ZNF184: variants seen among roughly 807,000 people sequenced by gnomAD.
ZNF184 encodes the protein zinc finger protein 184 (Kruppel-like).
ZNF184 carries 16 observed loss-of-function variants against 54.4 expected under a neutral mutation model. The ratio of observed to expected loss-of-function variants is 0.29; its 90% CI spans 0.20 to 0.45. The LOEUF is 0.45. Among genes scored for constraint, ZNF184 ranks in the 20% least tolerant of loss-of-function variants. ZNF184 has a pLI of 1.00. For synonymous variants in ZNF184, 254 were observed against 295.3 expected (o/e 0.86, Z 1.43); for missense variants, 681 against 888.2 (o/e 0.77, Z 2.97).
At chr6:27,421,240 G>A in the ZNF184 span, among the ~76,000 whole-genome samples, 1 of 152,212 alleles carries the variant, frequency 6.6e-6, no homozygotes, top group Non-Finnish European at 1.5e-5. Flanking sequence ...TGGACTGTGA[G>A]TAGTAATATG....
chr6:27,431,370 C>T, the ZNF184 span, among the ~76,000 whole-genome samples: 21 of 152,314 alleles, frequency 1.4e-4, no homozygotes, highest in East Asian at 5.8e-4. Context: ...CATTCCCTCC[C>T]CTCACCACAT....
chr6:27,438,995 T>C, the ZNF184 span, among the ~76,000 whole-genome samples: 11 of 152,212 alleles, frequency 7.2e-5, no homozygotes, highest in Non-Finnish European at 1.5e-4. Flanking sequence ...TCAAAATTCA[T>C]AGCCAAAACT....
At position 27,459,387 on chromosome 6, in the gene ZNF184, GA is replaced by G. The variant is rs60873240; in HGVS notation, c.76-1979del. Among the ~76,000 whole-genome samples the G allele has an allele frequency of 9.4e-4, 136 of 144,930 alleles. 2 individuals carry two copies. In the East Asian group the frequency reaches 0.019, roughly 20 times the overall value. On this transcript the variant is annotated intron_variant, in intron 3 of 5. Coordinates refer to ENST00000683788, the MANE Select transcript of ZNF184 (RefSeq NM_001318891.2). The stretch of plus-strand genomic sequence containing the variant: ...ATTACATGTCAACTAAAAATTAAGG[GA>G]AAAAAAAAAGATCAACTACCCACAA...
the ZNF184 span, among the ~76,000 whole-genome samples, chr6:27,422,812 A>T: frequency 5.9e-5 from 9 of 152,200 alleles, no homozygotes; most frequent in Admixed American, 1.3e-4. Flanking sequence ...TTGTCAAACA[A>T]GGGCTCCAAA....
At chr6:27,416,921 C>G in the ZNF184 span, among the ~76,000 whole-genome samples, 1 of 152,108 alleles carries the variant, frequency 6.6e-6, no homozygotes, top group Non-Finnish European at 1.5e-5. Context: ...AACAAGATGA[C>G]ACAGATAGAA....
the ZNF184 span, among the ~76,000 whole-genome samples, chr6:27,438,441 T>A: frequency 6.6e-6 from 1 of 152,304 alleles, no homozygotes; most frequent in South Asian, 2.1e-4. Flanking sequence ...TAATTGGACA[T>A]GCCAGTGGAG....
the ZNF184 span, among the ~76,000 whole-genome samples, chr6:27,422,542 T>C: frequency 6.6e-6 from 1 of 152,160 alleles, no homozygotes; most frequent in Non-Finnish European, 1.5e-5. Context: ...ATGGAGGATT[T>C]TGCCGTTTTA....
At chr6:27,470,745 T>C (rs1581591647) in intron 2 of ZNF184, among the ~76,000 whole-genome samples, 1 of 152,126 alleles carries the variant, frequency 6.6e-6, no homozygotes, top group Admixed American at 6.5e-5. Flanking sequence ...GCTTGGCACA[T>C]AGTAAATGCT....
the ZNF184 span, among the ~76,000 whole-genome samples, chr6:27,407,186 G>A: frequency 7.2e-5 from 11 of 152,214 alleles, no homozygotes; most frequent in Non-Finnish European, 1.6e-4. Context: ...TGGGTCCCTG[G>A]GCAAATAGAT....
chr6:27,424,749 G>A, the ZNF184 span, among the ~76,000 whole-genome samples: 28 of 152,376 alleles, frequency 1.8e-4, 2 homozygotes, highest in South Asian at 2.9e-3. Context: ...AGATTCAGGA[G>A]CCCAGCTGGC....
chr6:27,437,982 T>A, the ZNF184 span, among the ~76,000 whole-genome samples: 2 of 152,206 alleles, frequency 1.3e-5, no homozygotes, highest in African/African-American at 4.8e-5. Flanking sequence ...ATGCCATGTA[T>A]CCCACACAAC....
At chr6:27,433,976 T>TTCCTTCCTTCCTCTCCCTC in the ZNF184 span, among the ~76,000 whole-genome samples, 4 of 136,148 alleles carry the variant, frequency 2.9e-5, no homozygotes, top group Non-Finnish European at 6.2e-5. Flanking sequence ...CTCCCTCCCT[T>TTCCTTCCTTCCTCTCCCTC]CCTTCCTTCC....
chr6:27,419,015 T>C, the ZNF184 span, among the ~76,000 whole-genome samples: 5 of 152,172 alleles, frequency 3.3e-5, no homozygotes, highest in African/African-American at 9.7e-5. The surrounding 1 kb of genome is among the most constrained non-coding windows in gnomAD (Gnocchi z 4.8). Context: ...ATCTGATATT[T>C]ATCTTGTTAA....
At chr6:27,422,217 A>AAAGAAAGAAAGAAAG in the ZNF184 span, among the ~76,000 whole-genome samples, 1 of 146,656 alleles carries the variant, frequency 6.8e-6, no homozygotes, top group Non-Finnish European at 1.5e-5. Context: ...AGAAAGAAAG[A>AAAGAAAGAAAGAAAG]AAAGAAAAGA....
chr6:27,442,882 A>AAAG, the ZNF184 span, among the ~76,000 whole-genome samples: 5 of 135,420 alleles, frequency 3.7e-5, no homozygotes, highest in East Asian at 2.2e-4. Flanking sequence ...AAGAAAGAAA[A>AAAG]AGAAAAAAAG....
rs371959671 is a variant in ZNF184 at position 27,451,981 on chromosome 6, T to C, written c.1578A>G (p.Gln526=). Residue 526 remains glutamine (Q), a synonymous_variant, in exon 6 of 6, where the codon CAA becomes CAG. Coordinates refer to ENST00000683788, the MANE Select transcript of ZNF184 (RefSeq NM_001318891.2). ...NLNQHQKTHT[Q]EKAYECKECG... ...ATTCTTTACATTCATAAGCTTTCTC[T>C]TGAGTATGAGTTTTCTGATGCTGAT... 2.5e-5 allele frequency: 40 copies of C among 1,613,622 alleles called. No individual in the cohort carries two copies. Among genetic ancestry groups the C allele is most frequent in the Non-Finnish European group, 3.4e-5 (40 of 1,179,994 alleles).
At chr6:27,439,590 A>G in the ZNF184 span, among the ~76,000 whole-genome samples, 41 of 152,322 alleles carry the variant, frequency 2.7e-4, no homozygotes, top group Non-Finnish European at 5.3e-4. Context: ...ACCTCAGTTC[A>G]TCTCATCACA....
At chr6:27,465,925 C>T (rs886534095) in intron 3 of ZNF184, among the ~76,000 whole-genome samples, 2 of 152,178 alleles carry the variant, frequency 1.3e-5, no homozygotes, top group Non-Finnish European at 2.9e-5. Flanking sequence ...ACAAAGCCCT[C>T]CCAAAGATGT....
intron 3 of ZNF184, among the ~76,000 whole-genome samples, chr6:27,467,535 C>A (rs1352110964): frequency 1.3e-5 from 2 of 152,106 alleles, no homozygotes; most frequent in Non-Finnish European, 2.9e-5. Context: ...GCGGAGGTTG[C>A]AGTGAGCGGA....
Sources: gnomAD v4.1 joint callset for allele counts (sites outside exome capture counted in the v4.1 genomes callset) on GRCh38, gnomAD v4.1.1 for gene constraint, Gnocchi (gnomAD v3.1) non-coding constraint, MANE v1.5 for transcripts, NCBI Gene and HGNC (gene_info 2026-07-23, HGNC 2026-07-21) for gene names.